COL24A1: variants seen among roughly 807,000 people sequenced by gnomAD.
COL24A1 encodes collagen alpha-1(XXIV) chain.
A neutral mutation model predicts 253.9 loss-of-function variants in COL24A1; 224 were observed. That is an observed-to-expected ratio of 0.88 (90% CI 0.79 to 0.99). COL24A1 has a LOEUF of 0.99. Ranked by LOEUF, COL24A1 falls within the 50% of genes least tolerant of loss-of-function variation. The pLI, the probability that COL24A1 is intolerant of heterozygous loss-of-function variation, is 0.00. For missense variants in COL24A1, 2,131 were observed against 2,068.5 expected (o/e 1.03, Z -0.59); for synonymous variants, 685 against 673.7 (o/e 1.02, Z -0.26).
intron 19 of COL24A1, among the ~76,000 whole-genome samples, chr1:85,993,904 G>T (rs1237828914): frequency 6.6e-6 from 1 of 151,844 alleles, no homozygotes. Flanking sequence ...TGTTTTAGAG[G>T]TAATAGCATG....
intron 55 of COL24A1, among the ~76,000 whole-genome samples, chr1:85,760,247 G>A (rs1357017277): frequency 1.3e-5 from 2 of 151,772 alleles, no homozygotes; most frequent in South Asian, 2.1e-4. Flanking sequence ...GTTTTGCCAT[G>A]TTGGCCAGGC....
At chr1:85,770,771 G>A (rs1389662171) in intron 53 of COL24A1, among the ~76,000 whole-genome samples, 2 of 152,144 alleles carry the variant, frequency 1.3e-5, no homozygotes, top group Non-Finnish European at 2.9e-5. Flanking sequence ...AATGAGGGAA[G>A]TAGGGCCAGT....
intron 24 of COL24A1, among the ~76,000 whole-genome samples, chr1:85,946,294 C>T (rs143398012): frequency 7.6e-4 from 115 of 152,206 alleles, no homozygotes; most frequent in Non-Finnish European, 7.1e-4. Context: ...TCTGGGACAC[C>T]GCACCGGGTT....
chr1:86,112,555 G>A lies in COL24A1; in HGVS notation c.1599+12C>T, dbSNP rs536218496. ...CTCATTAGCTTAAGTTGCCTGATTA[G>A]TAGTCACTTACCTTTGGACCAGGTA... On this transcript the variant is annotated intron_variant, in intron 5 of 59. Coordinates refer to ENST00000370571, the MANE Select transcript of COL24A1 (RefSeq NM_152890.7). 6.2e-7 allele frequency: 1 copy of A among 1,610,102 alleles called. No individual in the cohort carries two copies. The highest frequency in any genetic ancestry group is 2.2e-5 in the East Asian group (1 of 44,764).
intron 47 of COL24A1, among the ~76,000 whole-genome samples, chr1:85,797,203 G>A (rs369163477): frequency 0.016 from 1,540 of 98,284 alleles, 31 homozygotes; most frequent in African/African-American, 0.059. Context: ...GCGAGACTCC[G>A]TCTCAAAAAA....
At chr1:85,847,564 C>A in intron 39 of COL24A1, 101 bp downstream of exon 39, 1 of 779,944 alleles carries the variant, frequency 1.3e-6, no homozygotes, top group Non-Finnish European at 2.1e-6. Flanking sequence ...GGAACTATTG[C>A]TTTGTCTGTA....
chr1:86,104,207 G>T (rs1383779920), intron 5 of COL24A1, among the ~76,000 whole-genome samples: 1 of 151,708 alleles, frequency 6.6e-6, no homozygotes, highest in Non-Finnish European at 1.5e-5. Context: ...ATTCTTATGT[G>T]TTTTTTTCAG....
At chr1:86,114,725 A>G (rs1705957508) in intron 4 of COL24A1, among the ~76,000 whole-genome samples, 1 of 152,210 alleles carries the variant, frequency 6.6e-6, no homozygotes, top group Non-Finnish European at 1.5e-5. Context: ...GGATTATATA[A>G]AAGGTATTTG....
chr1:86,050,193 T>G lies in COL24A1; in HGVS notation c.1852-16A>C. On this transcript the variant is annotated splice_polypyrimidine_tract_variant and intron_variant, in intron 10 of 59. Transcript: ENST00000370571. ...CAATAAAACCCTTAAAACAAGAAAA[T>G]AGTCTGTATATTAGTTCATTTGAAT... 6.2e-7 allele frequency: 1 copy of G among 1,608,496 alleles called. No homozygotes were observed. The highest frequency in any genetic ancestry group is 8.5e-7 in the Non-Finnish European group (1 of 1,175,112).
intron 2 of COL24A1, among the ~76,000 whole-genome samples, chr1:86,139,909 G>A (rs1418722198): frequency 1.3e-5 from 2 of 152,016 alleles, no homozygotes; most frequent in Non-Finnish European, 2.9e-5. Flanking sequence ...ATTTTTTATA[G>A]TCTCAGCTAA....
intron 20 of COL24A1, among the ~76,000 whole-genome samples, chr1:85,978,765 C>A (rs766528345): frequency 6.6e-6 from 1 of 152,110 alleles, no homozygotes; most frequent in African/African-American, 2.4e-5. Context: ...ACTCTACTGA[C>A]AGCACTAGGC....
intron 19 of COL24A1, among the ~76,000 whole-genome samples, chr1:86,014,917 C>T (rs574879174): frequency 1.3e-5 from 2 of 152,230 alleles, no homozygotes; most frequent in South Asian, 4.1e-4. Context: ...GCATAAAGCA[C>T]AACTCTGATA....
intron 24 of COL24A1, chr1:85,960,942 G>A (rs1690996805): frequency 5.4e-6 from 1 of 184,676 alleles, no homozygotes; most frequent in Non-Finnish European, 1.1e-5. Flanking sequence ...AGTGAAAAAT[G>A]TTAAGGTCAA....
At chr1:85,990,524 C>T (rs1324167368) in intron 19 of COL24A1, among the ~76,000 whole-genome samples, 1 of 152,196 alleles carries the variant, frequency 6.6e-6, no homozygotes, top group African/African-American at 2.4e-5. Flanking sequence ...GGCAGTAATG[C>T]TTGCTCACCT....
intron 20 of COL24A1, among the ~76,000 whole-genome samples, chr1:85,978,776 A>T (rs1255889274): frequency 1.3e-5 from 2 of 152,194 alleles, no homozygotes; most frequent in Admixed American, 1.3e-4. Context: ...AGCACTAGGC[A>T]GGTCGTCAAG....
intron 7 of COL24A1, among the ~76,000 whole-genome samples, chr1:86,069,341 G>C (rs957004689): frequency 1.3e-5 from 2 of 152,114 alleles, no homozygotes; most frequent in Admixed American, 6.5e-5. Context: ...ATGGACTAGT[G>C]GTGGTGGCCA....
At chr1:85,865,375 GC>G (rs1345597546) in intron 37 of COL24A1, among the ~76,000 whole-genome samples, 3 of 152,026 alleles carry the variant, frequency 2.0e-5, no homozygotes, top group Non-Finnish European at 4.4e-5. Context: ...CAAGCTGAAA[GC>G]CATTTAAAAT....
intron 37 of COL24A1, among the ~76,000 whole-genome samples, chr1:85,864,294 G>T (rs150950673): frequency 2.0e-5 from 3 of 151,048 alleles, no homozygotes; most frequent in Non-Finnish European, 4.4e-5. Context: ...GCAAACTATC[G>T]CAAGGACAAA....
intron 48 of COL24A1, among the ~76,000 whole-genome samples, chr1:85,785,453 C>T (rs486417): frequency 0.71 from 108,209 of 152,126 alleles, 41,563 homozygotes; most frequent in Non-Finnish European, 0.87. Context: ...AATTATCTCT[C>T]ACTGTCTTGA....
Sources: gnomAD v4.1 joint callset for allele counts (sites outside exome capture counted in the v4.1 genomes callset) on GRCh38, gnomAD v4.1.1 for gene constraint, MANE v1.5 for transcripts, NCBI Gene and HGNC (gene_info 2026-07-23, HGNC 2026-07-21) for gene names.